Variants in RSU1 observed in about 807,000 individuals in gnomAD.
RSU1 encodes the protein Ras suppressor protein 1.
In RSU1, 26 loss-of-function variants were observed where a neutral mutation model predicts 31.1. The ratio of observed to expected loss-of-function variants is 0.84; its 90% CI spans 0.61 to 1.16. The LOEUF is 1.16. Among genes scored for constraint, RSU1 ranks in the 50% most tolerant of loss-of-function variants. The pLI is 0.00. For missense variants in RSU1, 320 were observed against 339.1 expected (o/e 0.94, Z 0.44); for synonymous variants, 164 against 136.3 (o/e 1.20, Z -1.41).
chr10:16,697,598 A>G (rs1221386219), intron 7 of RSU1, among the ~76,000 whole-genome samples: 2 of 151,788 alleles, frequency 1.3e-5, no homozygotes, highest in African/African-American at 4.8e-5. Flanking sequence ...TGGGAGGCGG[A>G]GGTTGCAGTG....
intron 8 of RSU1, among the ~76,000 whole-genome samples, chr10:16,690,684 A>G (rs889603155): frequency 8.5e-5 from 13 of 152,128 alleles, no homozygotes; most frequent in Non-Finnish European, 1.6e-4. Flanking sequence ...TCTGCCCTAG[A>G]CTCAGAAGAA....
At chr10:16,770,382 C>A (rs1837399892) in intron 3 of RSU1, among the ~76,000 whole-genome samples, 1 of 151,992 alleles carries the variant, frequency 6.6e-6, no homozygotes, top group Non-Finnish European at 1.5e-5. Context: ...AGCACTAGAC[C>A]CTGCACCATG....
chr10:16,734,331 A>C (rs7073992), intron 7 of RSU1, among the ~76,000 whole-genome samples: 18,983 of 152,224 alleles, frequency 0.12, 2,965 homozygotes, highest in African/African-American at 0.37. Context: ...GGCATTCATG[A>C]ATCCTGTGCT....
chr10:16,781,935 T>C, intron 3 of RSU1, 99 bp downstream of exon 3: 1 of 991,404 alleles, frequency 1.0e-6, no homozygotes, highest in Non-Finnish European at 1.6e-6. Flanking sequence ...CAAATAATCA[T>C]TCTTCATTAG....
chr10:16,604,826 A>C (rs1833773930), intron 8 of RSU1, among the ~76,000 whole-genome samples: 1 of 152,172 alleles, frequency 6.6e-6, no homozygotes, highest in Non-Finnish European at 1.5e-5. Flanking sequence ...ACTGGTTTAC[A>C]CACAAGCACG....
intron 8 of RSU1, among the ~76,000 whole-genome samples, chr10:16,659,793 T>G (rs1222630881): frequency 6.6e-6 from 1 of 152,234 alleles, no homozygotes; most frequent in Non-Finnish European, 1.5e-5. Context: ...ACTCTTTTCT[T>G]ACTGGTTGTT....
rs369185987 is a variant in RSU1, at chr10:16,798,735, A to T, written c.110-16651T>A. On this transcript the variant is annotated intron_variant, in intron 2 of 8. Coordinates refer to ENST00000345264, the MANE Select transcript of RSU1 (RefSeq NM_012425.4). The stretch of plus-strand genomic sequence containing the variant: ...TAAAGAGCATACTACATACCTGGGA[A>T]ATAATCAGACCAGAATGACCTACGC... Among the ~76,000 whole-genome samples, 7 of 152,158 alleles carry T rather than the reference A, an allele frequency of 4.6e-5. No homozygotes were observed. In the East Asian group the frequency reaches 5.8e-4, roughly 13 times the overall value.
At chr10:16,746,216 A>G (rs1431832300) in intron 7 of RSU1, among the ~76,000 whole-genome samples, 3 of 152,214 alleles carry the variant, frequency 2.0e-5, no homozygotes, top group African/African-American at 7.2e-5. Flanking sequence ...TCTCATAGTT[A>G]CTGTAGTAAA....
intron 7 of RSU1, among the ~76,000 whole-genome samples, chr10:16,708,603 C>T (rs1835953369): frequency 6.6e-6 from 1 of 151,622 alleles, no homozygotes; most frequent in African/African-American, 2.4e-5. Context: ...ATTTTTTTTT[C>T]TATCTGTGTA....
rs565208380 is a variant in RSU1, at chr10:16,633,683, G to C, written c.732-40187C>G. Among the ~76,000 whole-genome samples, 2 of 152,124 alleles carry C rather than the reference G, an allele frequency of 1.3e-5. 1 individual carries two copies. The highest frequency in any genetic ancestry group is 2.9e-5 in the Non-Finnish European group (2 of 68,010). ...ACCAGCTCAGGGAGGCCGTGAAAAG[G>C]ACTCCACCCAGGTCAAGAGTTTGGC... is the stretch of plus-strand genomic sequence containing the variant. On this transcript the variant is annotated intron_variant, in intron 8 of 8. Transcript: ENST00000345264.
intron 7 of RSU1, chr10:16,723,209 C>CT (rs1836319050): frequency 6.6e-6 from 1 of 152,014 alleles, no homozygotes; most frequent in Non-Finnish European, 1.5e-5. Context: ...TTTTGGTGAA[C>CT]TGGAAAGCAA....
chr10:16,611,363 T>C (rs1309316186), intron 8 of RSU1, among the ~76,000 whole-genome samples: 4 of 152,148 alleles, frequency 2.6e-5, no homozygotes, highest in Non-Finnish European at 5.9e-5. Context: ...TGCTTAGAAA[T>C]CCCCTGGTTA....
chr10:16,727,504 C>T (rs1165441667), intron 7 of RSU1, among the ~76,000 whole-genome samples: 2 of 152,010 alleles, frequency 1.3e-5, no homozygotes, highest in South Asian at 2.1e-4. Flanking sequence ...ACTGATCACG[C>T]GAGGTAACAA....
At position 16,683,787 on chromosome 10, in the gene RSU1, T is replaced by C. The variant is rs139319160; in HGVS notation, c.731+11236A>G. On this transcript the variant is annotated intron_variant, in intron 8 of 8. Transcript: ENST00000345264. ...ATTTTAGGGAGGCATGAGACATCAA[T>C]CAAATACATTTGAGAAATATACTGG... is the stretch of plus-strand genomic sequence containing the variant. 9.1e-3 allele frequency among the ~76,000 whole-genome samples: 1,390 copies of C among 152,298 alleles called. 18 individuals carry two copies. The highest frequency in any genetic ancestry group is 0.03 in the African/African-American group (1,261 of 41,540).
chr10:16,791,668 A>G (rs1210433236), intron 2 of RSU1, among the ~76,000 whole-genome samples: 2 of 152,102 alleles, frequency 1.3e-5, no homozygotes, highest in African/African-American at 2.4e-5. Context: ...TCGAAAAACT[A>G]AAACTCCTAG....
chr10:16,802,617 T>C (rs991569889), intron 2 of RSU1, among the ~76,000 whole-genome samples: 5 of 152,146 alleles, frequency 3.3e-5, no homozygotes, highest in African/African-American at 1.2e-4. Context: ...CCAATCTCTC[T>C]CATGGACATA....
chr10:16,622,062 A>G lies in RSU1; in HGVS notation c.732-28566T>C, dbSNP rs1834079893. Among the ~76,000 whole-genome samples, 4 of 152,324 alleles carry G rather than the reference A, an allele frequency of 2.6e-5. No homozygotes were observed. The South Asian group carries it at 8.3e-4, about 32-fold the overall frequency. ...TTATTTTGTACTGCATGCCTGTATCAAAACAACTCATGTACCCCATAAATA... is the reference window on the plus strand; with the variant it reads ...TTATTTTGTACTGCATGCCTGTATCGAAACAACTCATGTACCCCATAAATA... On this transcript the variant is annotated intron_variant, in intron 8 of 8. Coordinates refer to ENST00000345264, the MANE Select transcript of RSU1 (RefSeq NM_012425.4).
intron 8 of RSU1, among the ~76,000 whole-genome samples, chr10:16,603,178 A>C (rs7070681): frequency 6.6e-6 from 1 of 152,036 alleles, no homozygotes; most frequent in African/African-American, 2.4e-5. Flanking sequence ...GTATAAACAT[A>C]CATGCACAAA....
At chr10:16,738,274 G>T (rs139435664) in intron 7 of RSU1, among the ~76,000 whole-genome samples, 147 of 151,928 alleles carry the variant, frequency 9.7e-4, no homozygotes, top group African/African-American at 3.4e-3. Context: ...GTGAAACTCC[G>T]TCTCTACTAA....
Sources: allele counts gnomAD v4.1 joint callset (sites outside exome capture counted in the v4.1 genomes callset), GRCh38; gene constraint gnomAD v4.1.1; transcripts MANE v1.5; gene names NCBI Gene and HGNC (gene_info 2026-07-23, HGNC 2026-07-21).